Variants in SLC25A26 observed in about 807,000 individuals in gnomAD.
SLC25A26 encodes the protein solute carrier family 25 member 26.
In SLC25A26, 36 loss-of-function variants were observed where a neutral mutation model predicts 37.8. The observed-to-expected ratio is 0.95, with a 90% confidence interval of 0.73 to 1.26. The LOEUF is 1.26. Among genes scored for constraint, SLC25A26 ranks in the 50% most tolerant of loss-of-function variants. The pLI is 0.00. For synonymous variants in SLC25A26, 129 were observed against 122.5 expected (o/e 1.05, Z -0.35); for missense variants, 390 against 331.1 (o/e 1.18, Z -1.38).
At chr3:66,341,578 CT>C (rs973854021) in intron 5 of SLC25A26, among the ~76,000 whole-genome samples, 17 of 152,132 alleles carry the variant, frequency 1.1e-4, no homozygotes, top group African/African-American at 3.4e-4. Context: ...CCTAATGCCC[CT>C]GGCCTTGAAA....
intron 5 of SLC25A26, among the ~76,000 whole-genome samples, chr3:66,342,856 G>A (rs998212546): frequency 6.6e-6 from 1 of 152,040 alleles, no homozygotes; most frequent in Non-Finnish European, 1.5e-5. Flanking sequence ...GTTTACTGCC[G>A]CTCACTTATT....
chr3:66,284,695 G>C (rs527765602), intron 5 of SLC25A26, among the ~76,000 whole-genome samples: 1 of 152,286 alleles, frequency 6.6e-6, no homozygotes, highest in Non-Finnish European at 1.5e-5. Flanking sequence ...TTCATAACAA[G>C]AGATGCAAAG....
At chr3:66,202,730 T>TA (rs2071127301) in intron 1 of SLC25A26, among the ~76,000 whole-genome samples, 1 of 152,046 alleles carries the variant, frequency 6.6e-6, no homozygotes, top group African/African-American at 2.4e-5. Flanking sequence ...AACTCCCATT[T>TA]TAAAAAAAAC....
At chr3:66,340,020 A>C (rs1372737280) in intron 5 of SLC25A26, among the ~76,000 whole-genome samples, 2 of 150,542 alleles carry the variant, frequency 1.3e-5, no homozygotes, top group Non-Finnish European at 2.9e-5. Flanking sequence ...CATCCACTTT[A>C]ATTTTTATAT....
In SLC25A26 at chr3:66,273,004, G is replaced by T. The variant is rs974625644; in HGVS notation, c.453+9625G>T. 2.9e-4 allele frequency among the ~76,000 whole-genome samples: 44 copies of T among 152,210 alleles called. 1 individual carries two copies. The highest frequency in any genetic ancestry group is 9.9e-4 in the African/African-American group (41 of 41,546). On this transcript the variant is annotated intron_variant, in intron 5 of 9. Coordinates refer to ENST00000354883, the MANE Select transcript of SLC25A26 (RefSeq NM_001379210.1). ...TTTATTGAGAGTTTTTAGCATGAAGGGTTTTTGAATCTTGTCAAAGGCCTT... is the reference window on the plus strand; with the variant it reads ...TTTATTGAGAGTTTTTAGCATGAAGTGTTTTTGAATCTTGTCAAAGGCCTT...
At chr3:66,226,607 G>T (rs1004713739) in intron 1 of SLC25A26, among the ~76,000 whole-genome samples, 1 of 151,994 alleles carries the variant, frequency 6.6e-6, no homozygotes, top group African/African-American at 2.4e-5. Flanking sequence ...CACCAACCAC[G>T]CCTGGCTAAT....
chr3:66,314,502 G>A (rs2075475210), intron 5 of SLC25A26, among the ~76,000 whole-genome samples: 1 of 152,096 alleles, frequency 6.6e-6, no homozygotes, highest in African/African-American at 2.4e-5. Context: ...TTGATGTGCT[G>A]CTGTATTCGG....
At chr3:66,170,109 T>C (rs2070475215) in intron 1 of SLC25A26, among the ~76,000 whole-genome samples, 1 of 152,222 alleles carries the variant, frequency 6.6e-6, no homozygotes, top group South Asian at 2.1e-4. Flanking sequence ...AAGTTCCAAA[T>C]TAAGCACTTG....
chr3:66,232,305 T>G (rs1475104583), intron 1 of SLC25A26, among the ~76,000 whole-genome samples: 1 of 152,214 alleles, frequency 6.6e-6, no homozygotes, highest in Non-Finnish European at 1.5e-5. Flanking sequence ...TTGTTAGTCA[T>G]TTATATTTTT....
intron 1 of SLC25A26, among the ~76,000 whole-genome samples, chr3:66,145,529 T>C (rs1203614169): frequency 6.6e-6 from 1 of 152,222 alleles, no homozygotes; most frequent in Non-Finnish European, 1.5e-5. Context: ...CCTTCTGCTT[T>C]GTTTAAAAAG....
intron 3 of SLC25A26, among the ~76,000 whole-genome samples, chr3:66,253,303 C>T (rs1024692732): frequency 2.7e-5 from 4 of 149,936 alleles, no homozygotes; most frequent in Non-Finnish European, 5.9e-5. Flanking sequence ...CCCAGCTACT[C>T]GGGAGGCTGA....
chr3:66,284,568 A>T (rs574489724), intron 5 of SLC25A26, among the ~76,000 whole-genome samples: 1 of 152,150 alleles, frequency 6.6e-6, no homozygotes, highest in East Asian at 1.9e-4. Flanking sequence ...TTTGAGATAA[A>T]TGTTTCTCAA....
At chr3:66,283,363 A>C (rs1559653988) in intron 5 of SLC25A26, among the ~76,000 whole-genome samples, 1 of 152,138 alleles carries the variant, frequency 6.6e-6, no homozygotes. Flanking sequence ...GCTCACTGCA[A>C]CCTGTTTCCC....
intron 1 of SLC25A26, among the ~76,000 whole-genome samples, chr3:66,170,725 A>G (rs1297473088): frequency 6.6e-6 from 1 of 151,190 alleles, no homozygotes; most frequent in Non-Finnish European, 1.5e-5. Context: ...CCTGACACAC[A>G]TAGTGCCGGA....
chr3:66,244,446 C>G (rs191456933), intron 3 of SLC25A26, among the ~76,000 whole-genome samples: 1 of 152,304 alleles, frequency 6.6e-6, no homozygotes, highest in South Asian at 2.1e-4. Context: ...AAGATTTGAA[C>G]AACACAATGA....
chr3:66,268,536 C>G (rs182260716), intron 5 of SLC25A26, among the ~76,000 whole-genome samples: 8 of 152,298 alleles, frequency 5.3e-5, no homozygotes, highest in Admixed American at 5.2e-4. Context: ...TTTGAAACTT[C>G]CCCCAAATTC....
At chr3:66,194,926 G>A (rs1419553321) in intron 1 of SLC25A26, among the ~76,000 whole-genome samples, 1 of 152,172 alleles carries the variant, frequency 6.6e-6, no homozygotes, top group Non-Finnish European at 1.5e-5. Flanking sequence ...GGAACGGGTG[G>A]TTGGACCCTG....
chr3:66,333,257 T>C (rs2076019328), intron 5 of SLC25A26, among the ~76,000 whole-genome samples: 1 of 152,170 alleles, frequency 6.6e-6, no homozygotes, highest in African/African-American at 2.4e-5. Context: ...CCTCCGTCTT[T>C]TCATCTTTCT....
At chr3:66,284,795 T>C (rs1430192292) in intron 5 of SLC25A26, among the ~76,000 whole-genome samples, 1 of 152,160 alleles carries the variant, frequency 6.6e-6, no homozygotes, top group Admixed American at 6.6e-5. Context: ...TATCCATCTA[T>C]TGAGATATCA....
Sources: gnomAD v4.1 joint callset for allele counts (sites outside exome capture counted in the v4.1 genomes callset) on GRCh38, gnomAD v4.1.1 for gene constraint, MANE v1.5 for transcripts, NCBI Gene and HGNC (gene_info 2026-07-23, HGNC 2026-07-21) for gene names.